PAPPA: variants seen among roughly 807,000 people sequenced by gnomAD.
PAPPA encodes pappalysin-1.
A neutral mutation model predicts 164.0 loss-of-function variants in PAPPA; 60 were observed. That is an observed-to-expected ratio of 0.37 (90% CI 0.30 to 0.45). The LOEUF (loss-of-function observed/expected upper bound fraction) is 0.45, where lower values mean the gene tolerates loss of function less well. PAPPA is among the 20% of genes least tolerant of loss of function. The pLI is 1.00. For synonymous variants in PAPPA, 875 were observed against 814.1 expected (o/e 1.07, Z -1.27); for missense variants, 1,782 against 2,087.3 (o/e 0.85, Z 2.85).
intron 10 of PAPPA, among the ~76,000 whole-genome samples, chr9:116,328,331 G>A (rs767826954): frequency 6.6e-6 from 1 of 152,234 alleles, no homozygotes; most frequent in Admixed American, 6.5e-5. Flanking sequence ...GCCTAAACCC[G>A]GTCCCAGTTG....
At chr9:116,243,890 G>A (rs1407153658) in intron 7 of PAPPA, among the ~76,000 whole-genome samples, 4 of 152,056 alleles carry the variant, frequency 2.6e-5, no homozygotes, top group Middle Eastern at 3.2e-3. Flanking sequence ...GCATGGTTTT[G>A]CCTACATTCT....
intron 2 of PAPPA, among the ~76,000 whole-genome samples, chr9:116,197,562 A>G (rs1427642739): frequency 1.3e-5 from 2 of 152,290 alleles, no homozygotes; most frequent in African/African-American, 2.4e-5. Context: ...ATTTGAATTT[A>G]TTTCTACTTT....
chr9:116,278,821 C>T lies in PAPPA; in HGVS notation c.2953+7405C>T, dbSNP rs563073365. 1.5e-4 allele frequency among the ~76,000 whole-genome samples: 23 copies of T among 152,172 alleles called. No homozygotes were observed. In the South Asian group the frequency reaches 4.0e-3, roughly 26 times the overall value. ...TCGGTTTCCTCTTCTGAAAAATGGA[C>T]GTAATTATAACACCTATAGTTTTGT... On this transcript the variant is annotated intron_variant, in intron 9 of 21. Coordinates refer to ENST00000328252, the MANE Select transcript of PAPPA (RefSeq NM_002581.5).
chr9:116,209,043 C>T (rs1380749496), intron 3 of PAPPA, among the ~76,000 whole-genome samples: 1 of 152,026 alleles, frequency 6.6e-6, no homozygotes, highest in Admixed American at 6.5e-5. Flanking sequence ...ACAATGTCCA[C>T]TACAAAGAAT....
At chr9:116,339,677 C>G (rs371808786) in intron 13 of PAPPA, among the ~76,000 whole-genome samples, 1 of 152,146 alleles carries the variant, frequency 6.6e-6, no homozygotes, top group African/African-American at 2.4e-5. Flanking sequence ...TTATAAACAG[C>G]CTTTCTGTTT....
At chr9:116,162,130 G>C (rs1411791326) in intron 1 of PAPPA, among the ~76,000 whole-genome samples, 2 of 152,164 alleles carry the variant, frequency 1.3e-5, no homozygotes, top group Non-Finnish European at 2.9e-5. Context: ...AGTGATGAGG[G>C]GAGCCTTAGG....
intron 7 of PAPPA, among the ~76,000 whole-genome samples, chr9:116,252,051 C>A (rs1720287622): frequency 6.6e-6 from 1 of 152,092 alleles, no homozygotes; most frequent in African/African-American, 2.4e-5. Flanking sequence ...ATGATTAAAA[C>A]AAAATAACAA....
At chr9:116,282,182 G>T (rs553767833) in intron 9 of PAPPA, among the ~76,000 whole-genome samples, 1 of 152,246 alleles carries the variant, frequency 6.6e-6, no homozygotes, top group East Asian at 1.9e-4. Flanking sequence ...AGTAGTATTT[G>T]CATGTAACCT....
At chr9:116,306,679 G>T (rs1845650745) in intron 10 of PAPPA, among the ~76,000 whole-genome samples, 1 of 152,136 alleles carries the variant, frequency 6.6e-6, no homozygotes, top group African/African-American at 2.4e-5. Flanking sequence ...AACCTGGTTT[G>T]GTTTAAGTGC....
intron 1 of PAPPA, among the ~76,000 whole-genome samples, chr9:116,180,487 T>A (rs1408803380): frequency 6.6e-6 from 1 of 152,212 alleles, no homozygotes; most frequent in Non-Finnish European, 1.5e-5. Flanking sequence ...CTGTGCTTAG[T>A]AAAGAGACTA....
At chr9:116,246,876 T>G (rs1564197557) in intron 7 of PAPPA, among the ~76,000 whole-genome samples, 1 of 151,946 alleles carries the variant, frequency 6.6e-6, no homozygotes, top group African/African-American at 2.4e-5. Context: ...AATAATTTAG[T>G]CAGGTATAGT....
intron 1 of PAPPA, among the ~76,000 whole-genome samples, chr9:116,158,837 G>A (rs762142014): frequency 1.3e-5 from 2 of 152,152 alleles, no homozygotes; most frequent in Non-Finnish European, 2.9e-5. Context: ...AGAGAAATCT[G>A]AGTTTCAGAG....
Position 116,235,122 on chromosome 9 carries a change from T to C in PAPPA, c.2234-17T>C, listed in dbSNP as rs1356876891. The C allele has an allele frequency of 6.2e-7, 1 of 1,613,988 alleles. No individual in the cohort carries two copies. The highest frequency in any genetic ancestry group is 1.1e-5 in the South Asian group (1 of 91,070). ...GCTCTTTCCCCAAGAACTCATTCCC[T>C]CATCTCTTCTGCATAGGTCATCCTG... is the stretch of plus-strand genomic sequence containing the variant. On this transcript the variant is annotated splice_polypyrimidine_tract_variant and intron_variant, in intron 6 of 21. Coordinates refer to ENST00000328252, the MANE Select transcript of PAPPA (RefSeq NM_002581.5).
chr9:116,333,593 T>C (rs560429368), intron 12 of PAPPA, among the ~76,000 whole-genome samples: 1 of 152,210 alleles, frequency 6.6e-6, no homozygotes, highest in African/African-American at 2.4e-5. Context: ...GCAGGGAAGA[T>C]TTTCTTGTTT....
rs368101870 is a variant in PAPPA, at chr9:116,211,831, C to A, written c.1817C>A (p.Ala606Asp). Residue 606 changes from alanine to aspartate, a missense_variant, in exon 4 of 22, where the codon GCC becomes GAC. Around this residue, in one of 2 missense-constraint regions of PAPPA, gnomAD observed 1,324 missense variants for 1,656.9 expected, o/e 0.80. Transcript: ENST00000328252. Reference protein sequence around the residue: ...TGDLCNDTNPAPKHKSCGDPG... With the variant: ...TGDLCNDTNPDPKHKSCGDPG... ...GACCTCTGCAATGATACCAACCCAG[C>A]CCCTAAACACAAGTCCTGTGGTGAC... The A allele has an allele frequency of 6.2e-7, 1 of 1,613,970 alleles. No individual in the cohort carries two copies. Among genetic ancestry groups the A allele is most frequent in the African/African-American group, 1.3e-5 (1 of 74,920 alleles).
chr9:116,184,712 A>G (rs1276041527), intron 1 of PAPPA, among the ~76,000 whole-genome samples: 1 of 152,214 alleles, frequency 6.6e-6, no homozygotes, highest in African/African-American at 2.4e-5. Context: ...CCCTGAGTGC[A>G]AAGATCCTGA....
intron 18 of PAPPA, among the ~76,000 whole-genome samples, chr9:116,366,338 C>T (rs1846500246): frequency 6.6e-6 from 1 of 152,148 alleles, no homozygotes; most frequent in Non-Finnish European, 1.5e-5. Flanking sequence ...ACTGTCTTCA[C>T]CCAAAAGTTC....
In PAPPA at chr9:116,347,919, TC is replaced by T. The variant is rs1446164106; in HGVS notation, c.3964+712del. Among the ~76,000 whole-genome samples, 1 of 152,168 alleles carries T rather than the reference TC, an allele frequency of 6.6e-6. No individual in the cohort carries two copies. The highest frequency in any genetic ancestry group is 2.4e-5 in the African/African-American group (1 of 41,446). ...ACTAGATGTGGAATGTGTTAATAAC[TC>T]CAGACTAGGAAATCATACTTCTCTC... On this transcript the variant is annotated intron_variant, in intron 15 of 21. Coordinates refer to ENST00000328252, the MANE Select transcript of PAPPA (RefSeq NM_002581.5). This position sits in a 1 kb window ranked among gnomAD's most constrained non-coding sequence, Gnocchi z 4.5.
At chr9:116,209,139 A>G (rs1209112286) in intron 3 of PAPPA, among the ~76,000 whole-genome samples, 1 of 152,180 alleles carries the variant, frequency 6.6e-6, no homozygotes, top group Non-Finnish European at 1.5e-5. Context: ...AGATAGACAG[A>G]CACAGACAGG....
Sources: allele counts gnomAD v4.1 joint callset (sites outside exome capture counted in the v4.1 genomes callset), GRCh38; gene constraint gnomAD v4.1.1; regional missense constraint gnomAD v4.1.1; non-coding constraint Gnocchi (gnomAD v3.1); transcripts MANE v1.5; gene names NCBI Gene and HGNC (gene_info 2026-07-23, HGNC 2026-07-21).